NOTCH2NLC: variants seen among roughly 807,000 people sequenced by gnomAD.
The protein encoded by NOTCH2NLC is notch 2 N-terminal like C.
In NOTCH2NLC, 4 loss-of-function variants were observed where a neutral mutation model predicts 17.7. That is an observed-to-expected ratio of 0.23 (90% CI 0.11 to 0.52). The LOEUF is 0.52. NOTCH2NLC is among the 20% of genes least tolerant of loss of function. NOTCH2NLC has a pLI of 0.96. For synonymous variants in NOTCH2NLC, 18 were observed against 86.0 expected (o/e 0.21, Z 4.38); for missense variants, 57 against 207.2 (o/e 0.28, Z 4.45).
chr1:149,398,100 A>G (rs2084218733), intron 1 of NOTCH2NLC, among the ~76,000 whole-genome samples: 1 of 151,092 alleles, frequency 6.6e-6, no homozygotes, highest in Admixed American at 6.6e-5. Context: ...TCGGATCTAT[A>G]GGGTCTTGGG....
intron 1 of NOTCH2NLC, among the ~76,000 whole-genome samples, chr1:149,418,919 G>A (rs1176563771): frequency 1.3e-5 from 2 of 150,828 alleles, no homozygotes; most frequent in Non-Finnish European, 1.5e-5. Context: ...CTGCTCATTC[G>A]CTCGCTCGCT....
intron 1 of NOTCH2NLC, among the ~76,000 whole-genome samples, chr1:149,421,486 G>A (rs1397508373): frequency 3.2e-5 from 4 of 126,622 alleles, no homozygotes; most frequent in Admixed American, 9.0e-5. Flanking sequence ...GTGACAGAGC[G>A]AGACTCCATC....
intron 1 of NOTCH2NLC, among the ~76,000 whole-genome samples, chr1:149,417,097 CTTTTTTTTTTTTTTTTTT>C (rs1171555647): frequency 1.4e-5 from 1 of 69,570 alleles, no homozygotes; most frequent in Non-Finnish European, 2.9e-5. Flanking sequence ...TCAGGTTTTC[CTTTTTTTTTTTTTTTTTT>C]TTTTTTTTTT....
At chr1:149,420,080 C>T (rs1163727603) in intron 1 of NOTCH2NLC, among the ~76,000 whole-genome samples, 1 of 149,350 alleles carries the variant, frequency 6.7e-6, no homozygotes, top group African/African-American at 2.5e-5. Context: ...CCGTGTTAGC[C>T]AGGATGGTGT....
chr1:149,413,588 G>A (rs2084311719), intron 1 of NOTCH2NLC, among the ~76,000 whole-genome samples: 1 of 150,974 alleles, frequency 6.6e-6, no homozygotes, highest in South Asian at 2.1e-4. Flanking sequence ...GAACTCAGCT[G>A]TTTTGAGTGA....
At chr1:149,410,452 C>T (rs2084292760) in intron 1 of NOTCH2NLC, among the ~76,000 whole-genome samples, 3 of 144,884 alleles carry the variant, frequency 2.1e-5, no homozygotes, top group South Asian at 4.5e-4. Flanking sequence ...ATAGAAATTA[C>T]TGGGCTCAAT....
chr1:149,394,350 A>T (rs1211369572), intron 1 of NOTCH2NLC, among the ~76,000 whole-genome samples: 2 of 150,894 alleles, frequency 1.3e-5, no homozygotes, highest in Non-Finnish European at 3.0e-5. Context: ...AGAAATTTCC[A>T]TAACAAATGT....
intron 2 of NOTCH2NLC, among the ~76,000 whole-genome samples, chr1:149,437,144 A>G (rs2084486829): frequency 7.0e-6 from 1 of 143,824 alleles, no homozygotes. Context: ...AAAACTGACT[A>G]TAATGTGGCC....
chr1:149,444,264 TAAACTGG>T (rs1328066805), intron 2 of NOTCH2NLC, among the ~76,000 whole-genome samples: 6 of 10,382 alleles, frequency 5.8e-4, no homozygotes, highest in African/African-American at 2.6e-3. Context: ...GCCCAGACTG[TAAACTGG>T]AAGATAAGGA....
At chr1:149,429,873 TATC>T (rs1168274778) in intron 1 of NOTCH2NLC, among the ~76,000 whole-genome samples, 1 of 150,614 alleles carries the variant, frequency 6.6e-6, no homozygotes, top group Non-Finnish European at 1.5e-5. Context: ...ATACATTAAC[TATC>T]ATAAGAGATG....
intron 1 of NOTCH2NLC, among the ~76,000 whole-genome samples, chr1:149,414,565 C>G (rs1469579180): frequency 6.6e-5 from 10 of 150,868 alleles, no homozygotes; most frequent in Non-Finnish European, 1.5e-4. Context: ...AACGGTTCCT[C>G]AAGTAAATAC....
rs1227981818 is a variant in NOTCH2NLC at position 149,396,180 on chromosome 1, C to CT, written c.135+5265dup. On this transcript the variant is annotated intron_variant, in intron 1 of 4. Coordinates refer to ENST00000650865, the MANE Select transcript of NOTCH2NLC (RefSeq NM_001364013.2). The stretch of plus-strand genomic sequence containing the variant: ...GTTGAAAGCTGACCCCACCCACAGA[C>CT]TTTTTTTGCTATCTCTTTTAATTAA... 1.1e-4 allele frequency among the ~76,000 whole-genome samples: 15 copies of CT among 137,346 alleles called. 1 individual carries two copies. The highest frequency in any genetic ancestry group is 3.6e-4 in the African/African-American group (13 of 36,568). 90.1% of individuals were successfully genotyped at this position (137,346 alleles called of 152,430 possible).
In NOTCH2NLC at chr1:149,464,141, CGAT is replaced by C. The variant is rs1475176291; in HGVS notation, c.873_875del (p.Asp291del). 32 of 621,448 alleles carry C rather than the reference CGAT, an allele frequency of 5.1e-5. 1 individual carries two copies. The highest frequency in any genetic ancestry group is 8.1e-5 in the Non-Finnish European group (28 of 346,144). 38.5% of individuals were successfully genotyped at this position (621,448 alleles called of 1,614,324 possible). A position where few individuals can be genotyped will look rare whatever the true frequency, so the allele number is the denominator to read the frequency against. ...GGGAAGTCTGGAATGGAAAAGAACA[CGAT>C]GAGAATTAGACACTGGAAAATATGT... On this transcript the variant is annotated inframe_deletion, in exon 5 of 5. Coordinates refer to ENST00000650865, the MANE Select transcript of NOTCH2NLC (RefSeq NM_001364013.2).
At chr1:149,406,970 A>G (rs1406189643) in intron 1 of NOTCH2NLC, among the ~76,000 whole-genome samples, 1 of 151,070 alleles carries the variant, frequency 6.6e-6, no homozygotes, top group Non-Finnish European at 1.5e-5. Flanking sequence ...GACTAAAAGT[A>G]CTATTGTCTA....
In NOTCH2NLC at chr1:149,427,568, G is replaced by A. The variant is rs1411933215; in HGVS notation, c.136-3374G>A. 8.7e-5 allele frequency among the ~76,000 whole-genome samples: 6 copies of A among 69,164 alleles called. No homozygotes were observed. In the East Asian group the frequency reaches 1.1e-3, roughly 12 times the overall value. The allele number at this position is 69,164 out of a possible 152,430, so 45.4% of individuals were successfully genotyped here. A position where few individuals can be genotyped will look rare whatever the true frequency, so the allele number is the denominator to read the frequency against. On this transcript the variant is annotated intron_variant, in intron 1 of 4. Coordinates refer to ENST00000650865, the MANE Select transcript of NOTCH2NLC (RefSeq NM_001364013.2). ...GGCTGGAGTGCAGTGGAGCAATCTC[G>A]GCTCACTGCAACCTCCGCCCCCCAG...
At chr1:149,394,870 C>A (rs2084196222) in intron 1 of NOTCH2NLC, among the ~76,000 whole-genome samples, 1 of 150,656 alleles carries the variant, frequency 6.6e-6, no homozygotes, top group Admixed American at 6.6e-5. Flanking sequence ...TGTCAGCCTA[C>A]CATATGTGTA....
intron 1 of NOTCH2NLC, among the ~76,000 whole-genome samples, chr1:149,413,394 A>C (rs2084310519): frequency 6.6e-6 from 1 of 151,222 alleles, no homozygotes; most frequent in Non-Finnish European, 1.5e-5. Context: ...GCCTGCTCTG[A>C]GTAGGTGAAA....
chr1:149,449,027 G>A (rs1449849019), intron 2 of NOTCH2NLC, among the ~76,000 whole-genome samples: 11 of 147,158 alleles, frequency 7.5e-5, no homozygotes, highest in South Asian at 2.2e-4. Flanking sequence ...GACTACAGGC[G>A]CCCGCCACCA....
Position 149,400,132 on chromosome 1 carries a change from A to ATAT in NOTCH2NLC, c.135+9210_135+9211insTAT, listed in dbSNP as rs1464101913. Among the ~76,000 whole-genome samples, 75 of 124,958 alleles carry ATAT rather than the reference A, an allele frequency of 6.0e-4. 1 individual carries two copies. Among genetic ancestry groups the ATAT allele is most frequent in the East Asian group, 1.8e-3 (7 of 3,928 alleles). The allele number at this position is 124,958 out of a possible 152,430, so 82.0% of individuals were successfully genotyped here. ...TTTATTTATATATATATATATATATAATATATATTTTTTTTTTAGTTTATG... is the reference window on the plus strand; with the variant it reads ...TTTATTTATATATATATATATATATATATATATATATTTTTTTTTTAGTTTATG... On this transcript the variant is annotated intron_variant, in intron 1 of 4. Transcript: ENST00000650865.
Sources: gnomAD v4.1 joint callset for allele counts (sites outside exome capture counted in the v4.1 genomes callset) on GRCh38, gnomAD v4.1.1 for gene constraint, MANE v1.5 for transcripts, NCBI Gene and HGNC (gene_info 2026-07-23, HGNC 2026-07-21) for gene names.